The following PI4KA variants were observed in gnomAD, a reference collection of about 807,000 sequenced individuals.
PI4KA encodes phosphatidylinositol 4-kinase alpha.
In PI4KA, 122 loss-of-function variants were observed where a neutral mutation model predicts 271.4. The observed-to-expected ratio is 0.45, with a 90% confidence interval of 0.39 to 0.52. The LOEUF (loss-of-function observed/expected upper bound fraction) is 0.52. Among genes scored for constraint, PI4KA ranks in the 20% least tolerant of loss-of-function variants. The probability of loss-of-function intolerance (pLI) is 0.00; values close to 1 mark genes in which losing one functional copy is unlikely to be tolerated. For synonymous variants in PI4KA, 1,041 were observed against 1,078.8 expected (o/e 0.96, Z 0.69); for missense variants, 1,969 against 2,769.1 (o/e 0.71, Z 6.48).
chr22:20,819,403 T>C (rs901212418), intron 6 of PI4KA, among the ~76,000 whole-genome samples: 1 of 152,084 alleles, frequency 6.6e-6, no homozygotes, highest in Non-Finnish European at 1.5e-5. Context: ...AGAGGCCTTT[T>C]GTGGCTTTTT....
chr22:20,750,429 C>G (rs1293240673), intron 27 of PI4KA, among the ~76,000 whole-genome samples: 1 of 152,236 alleles, frequency 6.6e-6, no homozygotes, highest in African/African-American at 2.4e-5. Flanking sequence ...CAAGACCTTT[C>G]AAGCTGCCCA....
At chr22:20,755,676 C>G (rs1931209321) in intron 23 of PI4KA, among the ~76,000 whole-genome samples, 1 of 151,944 alleles carries the variant, frequency 6.6e-6, no homozygotes, top group South Asian at 2.1e-4. Context: ...TGGTGCACAC[C>G]TGTTAATTCC....
chr22:20,770,102 G>A (rs1193029427), intron 19 of PI4KA, among the ~76,000 whole-genome samples: 2 of 152,018 alleles, frequency 1.3e-5, no homozygotes, highest in Non-Finnish European at 2.9e-5. Flanking sequence ...CACTGGAGTA[G>A]GGGGTACAAT....
At position 20,717,631 on chromosome 22, in the gene PI4KA, G is replaced by A. The variant is rs1381359201; in HGVS notation, c.5317+77C>T. On this transcript the variant is annotated intron_variant, in intron 45 of 54. Coordinates refer to ENST00000255882, the MANE Select transcript of PI4KA (RefSeq NM_058004.4). ...GTGTCCACATCCTGCAGTGCCTGGA[G>A]AGGGCAGCAGCCTTCACGCCCCGCC... is the stretch of plus-strand genomic sequence containing the variant. 7.5e-6 allele frequency: 9 copies of A among 1,193,008 alleles called. No individual in the cohort carries two copies. The South Asian group carries it at 9.2e-5, about 12-fold the overall frequency. The allele number at this position is 1,193,008 out of a possible 1,614,324, so 73.9% of individuals were successfully genotyped here. A position where few individuals can be genotyped will look rare whatever the true frequency, so the allele number is the denominator to read the frequency against.
intron 39 of PI4KA, 99 bp downstream of exon 39, chr22:20,729,214 G>C: frequency 1.0e-6 from 1 of 971,122 alleles, no homozygotes; most frequent in Non-Finnish European, 1.5e-6. Context: ...CTTGAAAGGG[G>C]CTGCAGGGCA....
intron 32 of PI4KA, among the ~76,000 whole-genome samples, chr22:20,739,219 G>A (rs908640623): frequency 4.6e-5 from 7 of 151,448 alleles, no homozygotes; most frequent in African/African-American, 9.7e-5. Flanking sequence ...GGTGGCAGGC[G>A]CCTGTAGTCT....
rs5996655 is a variant in PI4KA, at chr22:20,712,648, C to T, written c.5677-37G>A. ...GGCCAGTTCTGAGGCCCGCTGGGTG[C>T]GAGGTGCCCAGGGCTGCCCTACTGG... is the stretch of plus-strand genomic sequence containing the variant. On this transcript the variant is annotated intron_variant, in intron 49 of 54. Coordinates refer to ENST00000255882, the MANE Select transcript of PI4KA (RefSeq NM_058004.4). 0.28 allele frequency: 363,307 copies of T among 1,291,300 alleles called. 98,390 individuals carry two copies. The highest frequency in any genetic ancestry group is 0.45 in the African/African-American group (29,831 of 65,742). 80.0% of individuals were successfully genotyped at this position (1,291,300 alleles called of 1,614,324 possible).
At chr22:20,762,361 C>T (rs925774480) in intron 22 of PI4KA, among the ~76,000 whole-genome samples, 2 of 152,206 alleles carry the variant, frequency 1.3e-5, no homozygotes, top group African/African-American at 4.8e-5. Flanking sequence ...GGTTTTAAAG[C>T]TCTCTCAATA....
chr22:20,712,464 G>T (rs755869637), intron 50 of PI4KA, 22 bp downstream of exon 50: 4 of 1,606,950 alleles, frequency 2.5e-6, no homozygotes, highest in Non-Finnish European at 3.4e-6. Flanking sequence ...GACCTCCCCC[G>T]GCCTGTGGCC....
At chr22:20,721,187 G>A in intron 43 of PI4KA, 111 bp downstream of exon 43, 1 of 1,101,302 alleles carries the variant, frequency 9.1e-7, no homozygotes, top group Non-Finnish European at 1.4e-6. Flanking sequence ...GGAGTGGAGG[G>A]GTCGGTGAGC....
chr22:20,808,684 A>T lies in PI4KA; in HGVS notation c.1072-1226T>A, dbSNP rs545164561. Among the ~76,000 whole-genome samples, 1,060 of 143,610 alleles carry T rather than the reference A, an allele frequency of 7.4e-3. 6 individuals carry two copies. Among genetic ancestry groups the T allele is most frequent in the Non-Finnish European group, 0.013 (858 of 65,392 alleles). The allele number at this position is 143,610 out of a possible 152,430, so 94.2% of individuals were successfully genotyped here. A position where few individuals can be genotyped will look rare whatever the true frequency, so the allele number is the denominator to read the frequency against. On this transcript the variant is annotated intron_variant, in intron 9 of 54. Transcript: ENST00000255882. ...TGGTTTATCATAACTCGTTTTTTTCATTTTTTTTTTTAGAGATAGGGTCTC... is the reference window on the plus strand; with the variant it reads ...TGGTTTATCATAACTCGTTTTTTTCTTTTTTTTTTTTAGAGATAGGGTCTC...
Position 20,819,841 on chromosome 22 carries a change from A to G in PI4KA, c.589T>C (p.Tyr197His). The G allele has an allele frequency of 6.2e-7, 1 of 1,614,000 alleles. No homozygotes were observed. Among genetic ancestry groups the G allele is most frequent in the Non-Finnish European group, 8.5e-7 (1 of 1,179,826 alleles). ...LIGISRAFGR[Y>H]SNMEESLLSK... is the part of the protein sequence containing the mutation. ...AGGAGAGACTCTTCCATGTTGCTGT[A>G]ACGCCCAAATGCTCGCGAGATTCCT... The change falls in exon 6 of 55, where the codon TAC becomes CAC. Residue 197 changes from tyrosine to histidine, a missense_variant. By Grantham distance (83) the Tyr-to-His change is moderately conservative. Transcript: ENST00000255882.
At chr22:20,784,265 T>C in intron 19 of PI4KA, 1 of 1,614,038 alleles carries the variant, frequency 6.2e-7, no homozygotes, top group South Asian at 1.1e-5. Context: ...ACTGTGTGTT[T>C]GTTCTTTTGA....
At chr22:20,724,084 C>T (rs902928796) in intron 42 of PI4KA, among the ~76,000 whole-genome samples, 7 of 151,906 alleles carry the variant, frequency 4.6e-5, no homozygotes, top group Admixed American at 2.6e-4. Context: ...GTGATCCGCC[C>T]GCCTCAGCCT....
At chr22:20,729,797 C>G in intron 37 of PI4KA, 86 bp from the exon 38 acceptor site, 2 of 1,587,588 alleles carry the variant, frequency 1.3e-6, no homozygotes, top group Non-Finnish European at 1.7e-6. Flanking sequence ...GCTTGCAGTG[C>G]TCTGTTCTGC....
chr22:20,797,355 T>A (rs1246013780), intron 17 of PI4KA, among the ~76,000 whole-genome samples: 1 of 151,866 alleles, frequency 6.6e-6, no homozygotes, highest in Non-Finnish European at 1.5e-5. Flanking sequence ...GCAGAACACC[T>A]AGGAGGGGTG....
intron 28 of PI4KA, among the ~76,000 whole-genome samples, chr22:20,748,433 GA>G (rs1447034397): frequency 6.0e-4 from 91 of 152,340 alleles, no homozygotes; most frequent in African/African-American, 2.0e-3. Context: ...TGGACAGCAG[GA>G]ACGAAGAACA....
chr22:20,850,060 A>G (rs1201148268), intron 1 of PI4KA, among the ~76,000 whole-genome samples: 1 of 152,182 alleles, frequency 6.6e-6, no homozygotes, highest in Non-Finnish European at 1.5e-5. Context: ...TGATGGATGG[A>G]CAACTCTGTG....
chr22:20,738,655 G>T (rs1156353114), intron 32 of PI4KA, among the ~76,000 whole-genome samples: 1 of 152,144 alleles, frequency 6.6e-6, no homozygotes, highest in Non-Finnish European at 1.5e-5. Context: ...GTGTGAGTGG[G>T]TGGAGAAGCC....
Sources: allele counts gnomAD v4.1 joint callset (sites outside exome capture counted in the v4.1 genomes callset), GRCh38; gene constraint gnomAD v4.1.1; transcripts MANE v1.5; gene names NCBI Gene and HGNC (gene_info 2026-07-23, HGNC 2026-07-21).